Variants in SLC24A4 observed in about 807,000 individuals in gnomAD.
SLC24A4 encodes solute carrier family 24 member 4.
SLC24A4 carries 53 observed loss-of-function variants against 79.0 expected under a neutral mutation model. The ratio of observed to expected loss-of-function variants is 0.67; its 90% CI spans 0.54 to 0.84. SLC24A4 has a LOEUF of 0.84. SLC24A4 is among the 40% of genes least tolerant of loss of function. SLC24A4 has a pLI of 0.00. For missense variants in SLC24A4, 731 were observed against 822.0 expected (o/e 0.89, Z 1.35); for synonymous variants, 323 against 323.8 (o/e 1.00, Z 0.03).
chr14:92,426,785 C>T (rs1179113427), intron 2 of SLC24A4, among the ~76,000 whole-genome samples: 1 of 152,066 alleles, frequency 6.6e-6, no homozygotes, highest in Non-Finnish European at 1.5e-5. Flanking sequence ...CAATTTTCTT[C>T]TTTCGGTTTC....
At chr14:92,458,887 G>A (rs1212039217) in intron 12 of SLC24A4, among the ~76,000 whole-genome samples, 1 of 152,192 alleles carries the variant, frequency 6.6e-6, no homozygotes, top group Non-Finnish European at 1.5e-5. Context: ...AGGCTGCATT[G>A]AGGGAGATGC....
chr14:92,476,593 T>C (rs1955780343), intron 12 of SLC24A4, among the ~76,000 whole-genome samples: 1 of 152,016 alleles, frequency 6.6e-6, no homozygotes, highest in African/African-American at 2.4e-5. Flanking sequence ...TTCGCCCTCA[T>C]AAACTAATTC....
intron 2 of SLC24A4, among the ~76,000 whole-genome samples, chr14:92,418,957 C>T (rs1432454448): frequency 6.6e-6 from 1 of 152,186 alleles, no homozygotes; most frequent in Non-Finnish European, 1.5e-5. Flanking sequence ...CCACCTTGGC[C>T]TCCCAAAGTG....
At chr14:92,385,920 G>C (rs949779446) in intron 2 of SLC24A4, among the ~76,000 whole-genome samples, 6 of 152,226 alleles carry the variant, frequency 3.9e-5, no homozygotes, top group Admixed American at 3.3e-4. Context: ...GCGGCACCAT[G>C]TCTGCCTCTG....
At chr14:92,383,551 A>G (rs1184418526) in intron 2 of SLC24A4, among the ~76,000 whole-genome samples, 1 of 152,112 alleles carries the variant, frequency 6.6e-6, no homozygotes, top group African/African-American at 2.4e-5. Context: ...CATTGTGACC[A>G]CTGCACTTAA....
At chr14:92,352,173 G>C (rs542456495) in intron 2 of SLC24A4, among the ~76,000 whole-genome samples, 1 of 152,274 alleles carries the variant, frequency 6.6e-6, no homozygotes, top group Admixed American at 6.5e-5. Context: ...CTTGAACAAG[G>C]AGCTATGAAT....
chr14:92,470,253 CTT>C (rs1354458407), intron 12 of SLC24A4, among the ~76,000 whole-genome samples: 1 of 152,138 alleles, frequency 6.6e-6, no homozygotes, highest in African/African-American at 2.4e-5. Flanking sequence ...GGGATTCCGA[CTT>C]ACACTCAAAT....
intron 12 of SLC24A4, among the ~76,000 whole-genome samples, chr14:92,476,108 T>C (rs1207104146): frequency 6.6e-6 from 1 of 152,186 alleles, no homozygotes; most frequent in Admixed American, 6.5e-5. Context: ...AAATTATCCT[T>C]CTACTGTGGC....
At chr14:92,439,509 G>A in intron 4 of SLC24A4, 100 bp downstream of exon 4, 1 of 1,104,296 alleles carries the variant, frequency 9.1e-7, no homozygotes, top group Non-Finnish European at 1.4e-6. Flanking sequence ...GGAGCATGCT[G>A]GTGGCAAAGA....
chr14:92,487,522 G>A (rs943654), intron 14 of SLC24A4, among the ~76,000 whole-genome samples: 2 of 152,136 alleles, frequency 1.3e-5, no homozygotes, highest in South Asian at 2.1e-4. Flanking sequence ...AAGATAAAGG[G>A]TTGATTGGTT....
At chr14:92,400,662 A>G (rs1257783328) in intron 2 of SLC24A4, among the ~76,000 whole-genome samples, 1 of 152,132 alleles carries the variant, frequency 6.6e-6, no homozygotes, top group African/African-American at 2.4e-5. Flanking sequence ...ATAACTGAGA[A>G]TGTAATCCTC....
chr14:92,358,264 C>T (rs1887291992), intron 2 of SLC24A4, among the ~76,000 whole-genome samples: 1 of 152,212 alleles, frequency 6.6e-6, no homozygotes, highest in Admixed American at 6.5e-5. Context: ...CCTTCTTCTC[C>T]ATCCATCTAA....
chr14:92,501,232 A>G lies in SLC24A4; in HGVS notation c.*7604A>G, dbSNP rs1172367401. ...AATGAGGATATTTATCCCGCTATTT[A>G]TTTTTTCAATAACTGTGACCTCCTG... On this transcript the variant is annotated 3_prime_UTR_variant, in exon 17 of 17. Coordinates refer to ENST00000532405, the MANE Select transcript of SLC24A4 (RefSeq NM_153646.4). 3 of 152,170 alleles carry G rather than the reference A, an allele frequency of 2.0e-5. No homozygotes were observed. The highest frequency in any genetic ancestry group is 2.0e-4 in the Admixed American group (3 of 15,280). 9.4% of individuals were successfully genotyped at this position (152,170 alleles called of 1,614,324 possible). A position where few individuals can be genotyped will look rare whatever the true frequency, so the allele number is the denominator to read the frequency against.
chr14:92,423,907 A>G (rs1453300717), intron 2 of SLC24A4, among the ~76,000 whole-genome samples: 1 of 152,200 alleles, frequency 6.6e-6, no homozygotes, highest in African/African-American at 2.4e-5. Context: ...AACAACAGAA[A>G]TTTATTCTCC....
At chr14:92,363,142 A>T (rs1262644448) in intron 2 of SLC24A4, among the ~76,000 whole-genome samples, 2 of 152,254 alleles carry the variant, frequency 1.3e-5, no homozygotes, top group Non-Finnish European at 1.5e-5. Flanking sequence ...CCACACTGTG[A>T]CATGGAGAGC....
chr14:92,438,000 G>A (rs549900460), intron 3 of SLC24A4, among the ~76,000 whole-genome samples: 58 of 152,224 alleles, frequency 3.8e-4, no homozygotes, highest in African/African-American at 5.5e-4. Context: ...AACAAAATGC[G>A]TGTGGGTTTT....
At chr14:92,387,796 T>C (rs538012456) in intron 2 of SLC24A4, among the ~76,000 whole-genome samples, 57 of 152,356 alleles carry the variant, frequency 3.7e-4, no homozygotes, top group Middle Eastern at 3.4e-3. Flanking sequence ...CTCAAAGAAG[T>C]GGACTCAGAC....
chr14:92,407,805 C>T (rs1595232537), intron 2 of SLC24A4, among the ~76,000 whole-genome samples: 2 of 152,006 alleles, frequency 1.3e-5, no homozygotes, highest in South Asian at 4.1e-4. Context: ...GGCAGGGATA[C>T]AAATCCAAAC....
intron 9 of SLC24A4, among the ~76,000 whole-genome samples, chr14:92,447,966 C>T (rs1181925264): frequency 6.6e-6 from 1 of 152,150 alleles, no homozygotes; most frequent in Admixed American, 6.5e-5. Flanking sequence ...CAAAACTACC[C>T]ATGAGGAATA....
Sources: gnomAD v4.1 joint callset for allele counts (sites outside exome capture counted in the v4.1 genomes callset) on GRCh38, gnomAD v4.1.1 for gene constraint, MANE v1.5 for transcripts, NCBI Gene and HGNC (gene_info 2026-07-23, HGNC 2026-07-21) for gene names.